Variants in AASS observed in about 807,000 individuals in gnomAD.
AASS encodes aminoadipate-semialdehyde synthase, also known as alpha-aminoadipic semialdehyde synthase, mitochondrial.
AASS carries 86 observed loss-of-function variants against 105.4 expected under a neutral mutation model. That is an observed-to-expected ratio of 0.82 (90% CI 0.69 to 0.98). The LOEUF (loss-of-function observed/expected upper bound fraction) is 0.98, where lower values mean the gene tolerates loss of function less well. Ranked by LOEUF, AASS falls within the 50% of genes least tolerant of loss-of-function variation. AASS has a pLI of 0.00. For missense variants in AASS, 1,048 were observed against 1,143.2 expected (o/e 0.92, Z 1.20); for synonymous variants, 381 against 394.8 (o/e 0.96, Z 0.41).
At chr7:122,113,308 T>C (rs1795019500) in intron 10 of AASS, 79 bp from the exon 11 acceptor site, 3 of 1,245,610 alleles carry the variant, frequency 2.4e-6, no homozygotes, top group Admixed American at 1.8e-5. Flanking sequence ...TCTACTCCAC[T>C]ATATTTGCTT....
chr7:122,115,104 C>T lies in AASS; in HGVS notation c.1013G>A (p.Gly338Asp), dbSNP rs1412116585. 2 of 1,614,002 alleles carry T rather than the reference C, an allele frequency of 1.2e-6. No individual in the cohort carries two copies. Among genetic ancestry groups the T allele is most frequent in the East Asian group, 2.2e-5 (1 of 44,890 alleles). The change falls in exon 9 of 24, where the codon GGT becomes GAT. Residue 338 changes from glycine (G) to aspartate (D), a missense_variant. Transcript: ENST00000417368. ...TGGTAATGCAGGGCAGCCTTCCACA[C>T]CAGCAGGTGAGAACTTGCCCGGAGC... The part of the protein sequence containing the change: ...LLAPGKFSPA[G>D]VEGCPALPHK...
In AASS at chr7:122,115,096, C is replaced by T. The variant is rs1795104589; in HGVS notation, c.1021G>A (p.Gly341Ser). Reference protein sequence around the residue: ...PGKFSPAGVEGCPALPHKLVA... With the variant: ...PGKFSPAGVESCPALPHKLVA... ...TACTTGTGTGGTAATGCAGGGCAGCCTTCCACACCAGCAGGTGAGAACTTG... is the reference window on the plus strand; with the variant it reads ...TACTTGTGTGGTAATGCAGGGCAGCTTTCCACACCAGCAGGTGAGAACTTG... The change falls in exon 9 of 24, where the codon GGC becomes AGC. Residue 341 changes from glycine (G) to serine (S), a missense_variant. Transcript: ENST00000417368. 1 of 1,613,996 alleles carries T rather than the reference C, an allele frequency of 6.2e-7. No individual in the cohort carries two copies. The highest frequency in any genetic ancestry group is 1.3e-5 in the African/African-American group (1 of 74,912).
At chr7:122,136,624 A>G (rs1314203317) in intron 1 of AASS, among the ~76,000 whole-genome samples, 1 of 152,184 alleles carries the variant, frequency 6.6e-6, no homozygotes. Flanking sequence ...TTCTAATAAA[A>G]CCAATTCCAA....
intron 4 of AASS, among the ~76,000 whole-genome samples, chr7:122,124,387 AT>A (rs1231196701): frequency 2.0e-5 from 3 of 152,032 alleles, no homozygotes; most frequent in African/African-American, 7.3e-5. Flanking sequence ...GATTCAAGCA[AT>A]TCTCCTGCTT....
Position 122,074,899 on chromosome 7 carries a change from ATCCAGG to A in AASS, c.*1584_*1589del, listed in dbSNP as rs1227187133. ...TTTTGAGTCAAGGTCTAACTCTGTC[ATCCAGG>A]CTGGATTGCAGTGACCCAGTTATAG... is the stretch of plus-strand genomic sequence containing the variant. On this transcript the variant is annotated 3_prime_UTR_variant, in exon 24 of 24. Transcript: ENST00000417368. Among the ~76,000 whole-genome samples, 18 of 152,042 alleles carry A rather than the reference ATCCAGG, an allele frequency of 1.2e-4. No individual in the cohort carries two copies. Among genetic ancestry groups the A allele is most frequent in the Admixed American group, 2.0e-4 (3 of 15,252 alleles).
At chr7:122,134,954 A>G (rs1796076882) in intron 1 of AASS, among the ~76,000 whole-genome samples, 1 of 152,180 alleles carries the variant, frequency 6.6e-6, no homozygotes, top group African/African-American at 2.4e-5. Flanking sequence ...ATAAAAAAGG[A>G]TGAGTTCATG....
chr7:122,123,284 T>C (rs573527619), intron 4 of AASS, among the ~76,000 whole-genome samples: 106 of 152,278 alleles, frequency 7.0e-4, no homozygotes, highest in Non-Finnish European at 1.1e-3. Context: ...GCTTATTGAG[T>C]TCACCAAGCT....
At chr7:122,107,465 T>C (rs996740344) in intron 11 of AASS, among the ~76,000 whole-genome samples, 48 of 152,076 alleles carry the variant, frequency 3.2e-4, no homozygotes, top group African/African-American at 1.1e-3. Flanking sequence ...GAGTGCTCAT[T>C]GGAGCGCTAT....
intron 18 of AASS, among the ~76,000 whole-genome samples, chr7:122,088,939 A>G (rs1421804269): frequency 2.0e-5 from 3 of 152,132 alleles, no homozygotes; most frequent in African/African-American, 7.2e-5. Context: ...TTAGGAATCA[A>G]ATTAGAAGTT....
At chr7:122,135,688 A>G (rs897182614) in intron 1 of AASS, among the ~76,000 whole-genome samples, 1 of 152,206 alleles carries the variant, frequency 6.6e-6, no homozygotes, top group African/African-American at 2.4e-5. Flanking sequence ...TAGTCCCAGA[A>G]CCAGGGCTGC....
chr7:122,091,791 T>C lies in AASS; in HGVS notation c.1928A>G (p.Asn643Ser). The C allele has an allele frequency of 6.2e-7, 1 of 1,613,530 alleles. No individual in the cohort carries two copies. The highest frequency in any genetic ancestry group is 8.5e-7 in the Non-Finnish European group (1 of 1,179,684). The change falls in exon 18 of 24, where the codon AAC becomes AGC. Residue 643 changes from asparagine (N) to serine (S), a missense_variant. Physicochemically the swap from Asn to Ser is conservative, Grantham distance 46. Transcript: ENST00000417368. ...CGGLPAPEHS[N>S]NPLRYKFSWS... ...GCTAAATTTATATCTCAATGGATTG[T>C]TTGAATGTTCAGGGGCTGGAAGCCC...
At chr7:122,100,796 C>T (rs746600873) in intron 13 of AASS, among the ~76,000 whole-genome samples, 5 of 151,780 alleles carry the variant, frequency 3.3e-5, no homozygotes, top group Non-Finnish European at 7.4e-5. Context: ...AGCTAAAGAC[C>T]TTTCTAAAGT....
chr7:122,119,659 A>G (rs1168069359), intron 4 of AASS, among the ~76,000 whole-genome samples: 1 of 152,170 alleles, frequency 6.6e-6, no homozygotes, highest in African/African-American at 2.4e-5. Flanking sequence ...ACCCATTTAA[A>G]ATGTATAGTT....
intron 13 of AASS, among the ~76,000 whole-genome samples, chr7:122,099,534 A>G (rs1464118779): frequency 6.6e-6 from 1 of 151,864 alleles, no homozygotes; most frequent in Admixed American, 6.6e-5. Context: ...CCCACAAACT[A>G]TGACCTCCAA....
At chr7:122,131,279 T>C (rs185479297) in intron 2 of AASS, among the ~76,000 whole-genome samples, 22 of 151,164 alleles carry the variant, frequency 1.5e-4, no homozygotes, top group Non-Finnish European at 3.0e-4. Context: ...CAAAAAAAAT[T>C]CAAATAAGTT....
intron 4 of AASS, among the ~76,000 whole-genome samples, chr7:122,125,703 G>T (rs1795626597): frequency 1.3e-5 from 2 of 152,210 alleles, no homozygotes; most frequent in South Asian, 4.1e-4. Flanking sequence ...AACAGGCTAT[G>T]ACTTAATGCT....
chr7:122,115,054 T>C lies in AASS; in HGVS notation c.1043+20A>G. On this transcript the variant is annotated intron_variant, in intron 9 of 23. Coordinates refer to ENST00000417368, the MANE Select transcript of AASS (RefSeq NM_005763.4). ...AGCAGCTGGTCAAAACTACTATCGTTGCTGAAGTAGAGTCCTTACTTGTGT... is the reference window on the plus strand; with the variant it reads ...AGCAGCTGGTCAAAACTACTATCGTCGCTGAAGTAGAGTCCTTACTTGTGT... The C allele has an allele frequency of 6.2e-7, 1 of 1,614,148 alleles. No homozygotes were observed. The highest frequency in any genetic ancestry group is 8.5e-7 in the Non-Finnish European group (1 of 1,179,986).
Position 122,113,739 on chromosome 7 carries a change from C to T in AASS, c.1044-19G>A. On this transcript the variant is annotated intron_variant, in intron 9 of 23. Transcript: ENST00000417368. The stretch of plus-strand genomic sequence containing the variant: ...CACGAGTCTGAAAATAACATCAATA[C>T]TTAGATGAGAGGATGAAATTCTGAA... The T allele has an allele frequency of 6.2e-7, 1 of 1,610,474 alleles. No homozygotes were observed.
chr7:122,086,977 T>A (rs184310205), intron 18 of AASS, among the ~76,000 whole-genome samples: 1 of 152,356 alleles, frequency 6.6e-6, no homozygotes, highest in Non-Finnish European at 1.5e-5. Flanking sequence ...TTCTAGTTTA[T>A]TGGCTTATTA....
Sources: gnomAD v4.1 joint callset for allele counts (sites outside exome capture counted in the v4.1 genomes callset) on GRCh38, gnomAD v4.1.1 for gene constraint, MANE v1.5 for transcripts, NCBI Gene and HGNC (gene_info 2026-07-23, HGNC 2026-07-21) for gene names.